The following MMRN1 variants were observed in gnomAD, a reference collection of about 807,000 sequenced individuals.
MMRN1 encodes multimerin-1.
In MMRN1, 94 loss-of-function variants were observed where a neutral mutation model predicts 100.7. That is an observed-to-expected ratio of 0.93 (90% CI 0.79 to 1.11). The LOEUF (loss-of-function observed/expected upper bound fraction) is 1.11, where lower values mean the gene tolerates loss of function less well. Ranked by LOEUF, MMRN1 falls within the 50% of genes least tolerant of loss-of-function variation. MMRN1 has a pLI of 0.00. For synonymous variants in MMRN1, 575 were observed against 505.0 expected (o/e 1.14, Z -1.86); for missense variants, 1,606 against 1,439.1 (o/e 1.12, Z -1.88).
In MMRN1 at chr4:89,950,032, T is replaced by C. The variant is rs929147243; in HGVS notation, c.3119-1573T>C. 3.3e-5 allele frequency among the ~76,000 whole-genome samples: 5 copies of C among 152,204 alleles called. No individual in the cohort carries two copies. The East Asian group carries it at 7.7e-4, about 23-fold the overall frequency. On this transcript the variant is annotated intron_variant, in intron 6 of 7. Coordinates refer to ENST00000264790, the MANE Select transcript of MMRN1 (RefSeq NM_007351.3). The stretch of plus-strand genomic sequence containing the variant: ...TAAGCGCTGAATTCTTCTGACCTTG[T>C]TTCTGCATTTACATAATTATGCATT...
In MMRN1 at chr4:89,935,607, A is replaced by T. The variant is rs762142228; in HGVS notation, c.1927A>T (p.Thr643Ser). Residue 643 changes from threonine (T) to serine (S), a missense_variant, in exon 6 of 8, where the codon ACT becomes TCT. Transcript: ENST00000264790. ...AATGAGTGAGCAACTAAATGATTTG[A>T]CTTATGATATGGAGATCCTTCAACC... ...DKMSEQLNDL[T>S]YDMEILQPLL... The T allele has an allele frequency of 1.2e-6, 2 of 1,613,486 alleles. No homozygotes were observed. The highest frequency in any genetic ancestry group is 2.7e-5 in the African/African-American group (2 of 74,912).
intron 4 of MMRN1, among the ~76,000 whole-genome samples, chr4:89,924,623 T>A (rs892871651): frequency 6.6e-6 from 1 of 151,694 alleles, no homozygotes; most frequent in African/African-American, 2.4e-5. Flanking sequence ...GGCGGGTGGA[T>A]CATGAGGTGA....
chr4:89,916,505 T>A (rs1721924422), intron 3 of MMRN1, among the ~76,000 whole-genome samples: 1 of 151,760 alleles, frequency 6.6e-6, no homozygotes, highest in Admixed American at 6.6e-5. Context: ...TCACATTTTC[T>A]TTCAAATTAG....
At chr4:89,906,266 A>G (rs1656637716) in intron 1 of MMRN1, among the ~76,000 whole-genome samples, 1 of 151,630 alleles carries the variant, frequency 6.6e-6, no homozygotes, top group South Asian at 2.1e-4. Flanking sequence ...TTTATGAATC[A>G]TAATAGAATC....
At position 89,923,176 on chromosome 4, in the gene MMRN1, C is replaced by T; in HGVS notation, c.859C>T (p.Gln287Ter). The T allele has an allele frequency of 6.2e-7, 1 of 1,613,794 alleles. No homozygotes were observed. The highest frequency in any genetic ancestry group is 8.5e-7 in the Non-Finnish European group (1 of 1,179,762). The change falls in exon 4 of 8, where the codon CAG becomes TAG. Residue 287 changes from glutamine (Q) to a stop codon, truncating the protein, a stop_gained. Coordinates refer to ENST00000264790, the MANE Select transcript of MMRN1 (RefSeq NM_007351.3). LOFTEE classifies it high-confidence loss of function. ...TTTCTGCTTCCTTCTAGCCCAGGAA[C>T]AGCAAAGTTTGATACACACCAACCA... ...GPKCQLRAQE[Q>*]QSLIHTNQAE... is the part of the protein sequence containing the mutation.
At chr4:89,879,879 T>A (rs1488158233) in intron 1 of MMRN1, among the ~76,000 whole-genome samples, 1 of 152,170 alleles carries the variant, frequency 6.6e-6, no homozygotes, top group Non-Finnish European at 1.5e-5. Flanking sequence ...ACTGTTATCA[T>A]GTTATTGTTT....
intron 6 of MMRN1, among the ~76,000 whole-genome samples, chr4:89,950,311 G>C (rs1236201775): frequency 6.6e-6 from 1 of 152,094 alleles, no homozygotes; most frequent in Admixed American, 6.6e-5. Flanking sequence ...TTGAAGAATT[G>C]TCTTTGTGCA....
In MMRN1 at chr4:89,912,356, A is replaced by G. The variant is rs1045762987; in HGVS notation, c.850+306A>G. Among the ~76,000 whole-genome samples, 28 of 151,310 alleles carry G rather than the reference A, an allele frequency of 1.9e-4. 3 individuals are homozygous for G. The highest frequency in any genetic ancestry group is 1.5e-5 in the Non-Finnish European group (1 of 67,526). On this transcript the variant is annotated intron_variant, in intron 3 of 7. Transcript: ENST00000264790. ...AGGCATGCCTTATTAAAATATCAGG[A>G]ATGCTAATTTTCAATTTTTAAATAA...
At chr4:89,947,105 A>C (rs1257979160) in intron 6 of MMRN1, among the ~76,000 whole-genome samples, 2 of 152,090 alleles carry the variant, frequency 1.3e-5, no homozygotes. Context: ...CACACGGTGA[A>C]ACCCCGTCTC....
chr4:89,937,541 C>T (rs1722685236), intron 6 of MMRN1, among the ~76,000 whole-genome samples: 1 of 152,044 alleles, frequency 6.6e-6, no homozygotes, highest in Non-Finnish European at 1.5e-5. Context: ...AACATCAAAT[C>T]TTGATTCTGG....
chr4:89,912,807 T>C (rs540500352), intron 3 of MMRN1, among the ~76,000 whole-genome samples: 13 of 151,356 alleles, frequency 8.6e-5, no homozygotes, highest in Admixed American at 7.3e-4. Flanking sequence ...GGAGAAACCG[T>C]TATGGCTCAC....
intron 1 of MMRN1, among the ~76,000 whole-genome samples, chr4:89,888,497 C>T (rs1217027532): frequency 6.6e-6 from 1 of 150,650 alleles, no homozygotes; most frequent in African/African-American, 2.4e-5. Flanking sequence ...TTGGAAAATT[C>T]TTACCTATAA....
chr4:89,892,665 T>A (rs1349970394), upstream of MMRN1, among the ~76,000 whole-genome samples: 1 of 151,976 alleles, frequency 6.6e-6, no homozygotes. Flanking sequence ...CCTTTTGATT[T>A]CAGGGTCCCT....
intron 4 of MMRN1, among the ~76,000 whole-genome samples, chr4:89,927,190 T>C (rs1215112275): frequency 6.6e-6 from 1 of 152,072 alleles, no homozygotes; most frequent in Non-Finnish European, 1.5e-5. Flanking sequence ...ATTAGTGTTT[T>C]GATAGGGATT....
At chr4:89,947,741 T>G (rs1486786932) in intron 6 of MMRN1, among the ~76,000 whole-genome samples, 3 of 152,202 alleles carry the variant, frequency 2.0e-5, no homozygotes, top group African/African-American at 7.2e-5. Flanking sequence ...CAAGAACAAG[T>G]AGCCTATTAA....
At position 89,905,551 on chromosome 4, in the gene MMRN1, G is replaced by T. The variant is rs143090021; in HGVS notation, c.624-3725G>T. Among the ~76,000 whole-genome samples the T allele has an allele frequency of 2.7e-3, 406 of 151,488 alleles. 3 individuals carry two copies. The highest frequency in any genetic ancestry group is 0.01 in the Middle Eastern group (3 of 294). ...TTCTCAAGTCAGAGACGCATGGGTG[G>T]GTATTAGGTGAGGTGTGAGGGGTTA... is the stretch of plus-strand genomic sequence containing the variant. On this transcript the variant is annotated intron_variant, in intron 1 of 7. Transcript: ENST00000264790.
intron 1 of MMRN1, among the ~76,000 whole-genome samples, chr4:89,883,212 C>T (rs1315085219): frequency 2.6e-5 from 4 of 152,148 alleles, no homozygotes; most frequent in Middle Eastern, 6.8e-3. Context: ...TATTCTTGAA[C>T]AAGTCTTTTT....
intron 3 of MMRN1, among the ~76,000 whole-genome samples, chr4:89,920,807 G>GT (rs143560826): frequency 0.027 from 4,126 of 150,786 alleles, 87 homozygotes; most frequent in Non-Finnish European, 0.042. Context: ...GTAGAGTTTT[G>GT]TTTTTTTTGT....
In MMRN1 at chr4:89,953,009, G is replaced by T. The variant is rs369402982; in HGVS notation, c.3278G>T (p.Gly1093Val). The T allele has an allele frequency of 3.2e-6, 5 of 1,569,114 alleles. No homozygotes were observed. In the African/African-American group the frequency reaches 5.5e-5, roughly 17 times the overall value. The change falls in exon 8 of 8, where the codon GGA (glycine) becomes GTA (valine). Residue 1093 changes from glycine (G) to valine (V), a missense_variant. By Grantham distance (109) the Gly-to-Val change is moderately radical. Transcript: ENST00000264790. ...ENALAPDFSK[G>V]SYRYAPMVAF... ...TTTCCTCTAACAGATTTTTCCAAAG[G>T]ATCTTACAGATATGCACCCATGGTG...
Sources: allele counts gnomAD v4.1 joint callset (sites outside exome capture counted in the v4.1 genomes callset), GRCh38; gene constraint gnomAD v4.1.1; transcripts MANE v1.5; gene names NCBI Gene and HGNC (gene_info 2026-07-23, HGNC 2026-07-21).